The following SORCS3 variants were observed in gnomAD, a reference collection of about 807,000 sequenced individuals.
SORCS3 encodes VPS10 domain-containing receptor SorCS3.
A neutral mutation model predicts 146.3 loss-of-function variants in SORCS3; 57 were observed. That is an observed-to-expected ratio of 0.39 (90% CI 0.31 to 0.49). SORCS3 has a LOEUF of 0.49. Ranked by LOEUF, SORCS3 falls within the 20% of genes least tolerant of loss-of-function variation. The pLI, the probability that SORCS3 is intolerant of heterozygous loss-of-function variation, is 0.92. For missense variants in SORCS3, 1,341 were observed against 1,575.5 expected, an observed-to-expected ratio of 0.85 and a Z score of 2.52; for synonymous variants, 653 against 618.5, an observed-to-expected ratio of 1.06 and a Z score of -0.83.
chr10:104,859,392 G>C lies in SORCS3; in HGVS notation c.695+16533G>C, dbSNP rs368668080. Among the ~76,000 whole-genome samples, 846 of 152,142 alleles carry C rather than the reference G, an allele frequency of 5.6e-3. 10 individuals carry two copies. Among genetic ancestry groups the C allele is most frequent in the African/African-American group, 0.015 (633 of 41,486 alleles). On this transcript the variant is annotated intron_variant, in intron 2 of 26. Transcript: ENST00000369701. The stretch of plus-strand genomic sequence containing the variant: ...GTAGAAAGCTGAAACTGGATCCCTT[G>C]CTTACACCTTATACAAAAATTAATT...
At chr10:104,764,708 GT>G (rs1238019626) in intron 1 of SORCS3, among the ~76,000 whole-genome samples, 1 of 152,094 alleles carries the variant, frequency 6.6e-6, no homozygotes, top group East Asian at 1.9e-4. Context: ...CTGGGGTAAT[GT>G]TTTTTTCAGA....
intron 1 of SORCS3, among the ~76,000 whole-genome samples, chr10:104,727,608 A>G (rs1271967746): frequency 6.6e-6 from 1 of 151,986 alleles, no homozygotes; most frequent in African/African-American, 2.4e-5. Flanking sequence ...ACTTATATAT[A>G]TACATATATC....
At chr10:104,973,542 T>A (rs923395178) in intron 3 of SORCS3, among the ~76,000 whole-genome samples, 8 of 150,786 alleles carry the variant, frequency 5.3e-5, no homozygotes, top group Admixed American at 2.0e-4. Context: ...GGTGGTGATA[T>A]CCCCTTTATC....
chr10:105,199,101 A>C (rs1351052074), intron 14 of SORCS3, among the ~76,000 whole-genome samples: 1 of 152,104 alleles, frequency 6.6e-6, no homozygotes, highest in Non-Finnish European at 1.5e-5. Flanking sequence ...GAAGCCATCC[A>C]ATTCCTTGAA....
chr10:104,894,931 A>T (rs1028043958), intron 2 of SORCS3, among the ~76,000 whole-genome samples: 1 of 152,144 alleles, frequency 6.6e-6, no homozygotes, highest in South Asian at 2.1e-4. Flanking sequence ...CTCATGGGAG[A>T]GGCTAGAGCT....
At chr10:105,216,733 G>C (rs917744385) in intron 18 of SORCS3, among the ~76,000 whole-genome samples, 3 of 152,126 alleles carry the variant, frequency 2.0e-5, no homozygotes, top group South Asian at 2.1e-4. Context: ...CCGAGCTTGG[G>C]CGATGAGGAC....
chr10:104,698,152 T>C (rs941366100), intron 1 of SORCS3, among the ~76,000 whole-genome samples: 2 of 152,278 alleles, frequency 1.3e-5, no homozygotes, highest in East Asian at 3.9e-4. Flanking sequence ...TTCAAAGCAC[T>C]CTGTCATTTC....
chr10:104,882,904 C>T (rs2018645184), intron 2 of SORCS3, among the ~76,000 whole-genome samples: 1 of 152,196 alleles, frequency 6.6e-6, no homozygotes, highest in African/African-American at 2.4e-5. Flanking sequence ...TCCTCTCTTC[C>T]ACTTCAAAGA....
intron 13 of SORCS3, among the ~76,000 whole-genome samples, chr10:105,172,624 A>G (rs2056369465): frequency 1.3e-5 from 2 of 152,214 alleles, no homozygotes; most frequent in African/African-American, 4.8e-5. Flanking sequence ...ATGGTAATTA[A>G]TTCAGTTTTT....
At chr10:104,898,987 C>A (rs1816372265) in intron 2 of SORCS3, among the ~76,000 whole-genome samples, 1 of 152,172 alleles carries the variant, frequency 6.6e-6, no homozygotes, top group African/African-American at 2.4e-5. Context: ...CCCTCCCATT[C>A]CTACACTCAC....
At chr10:105,093,764 G>C (rs2055726173) in intron 6 of SORCS3, among the ~76,000 whole-genome samples, 1 of 152,058 alleles carries the variant, frequency 6.6e-6, no homozygotes, top group Non-Finnish European at 1.5e-5. Flanking sequence ...TAAAGCAATA[G>C]AACTCTCATA....
intron 10 of SORCS3, among the ~76,000 whole-genome samples, chr10:105,158,542 A>G (rs1397795182): frequency 1.3e-5 from 2 of 152,144 alleles, no homozygotes; most frequent in Non-Finnish European, 2.9e-5. Flanking sequence ...CAAGATCAGA[A>G]ATGCGAGAAT....
chr10:104,928,527 T>G (rs182270253), intron 3 of SORCS3, among the ~76,000 whole-genome samples: 9 of 132,436 alleles, frequency 6.8e-5, no homozygotes, highest in Non-Finnish European at 1.2e-4. Flanking sequence ...AAGAAATGAC[T>G]CGATTTTTTT....
Position 105,131,732 on chromosome 10 carries a change from C to T in SORCS3, c.1213-7665C>T, listed in dbSNP as rs79960576. ...GACCTCAGGAAACTTACAATTACGGCGGAAGGTAAAGGAGGAGCAGACACA... is the reference window on the plus strand; with the variant it reads ...GACCTCAGGAAACTTACAATTACGGTGGAAGGTAAAGGAGGAGCAGACACA... On this transcript the variant is annotated intron_variant, in intron 7 of 26. Coordinates refer to ENST00000369701, the MANE Select transcript of SORCS3 (RefSeq NM_014978.3). Among the ~76,000 whole-genome samples, 1,368 of 151,984 alleles carry T rather than the reference C, an allele frequency of 9.0e-3. 14 individuals are homozygous for T. The highest frequency in any genetic ancestry group is 0.023 in the African/African-American group (960 of 41,442).
intron 6 of SORCS3, among the ~76,000 whole-genome samples, chr10:105,094,170 T>C (rs1029765059): frequency 6.6e-6 from 1 of 152,174 alleles, no homozygotes; most frequent in East Asian, 1.9e-4. Context: ...ACAAACTATA[T>C]AGATAGAGAA....
intron 3 of SORCS3, among the ~76,000 whole-genome samples, chr10:104,973,848 C>T (rs2054877079): frequency 6.8e-6 from 1 of 147,604 alleles, no homozygotes; most frequent in African/African-American, 2.6e-5. Flanking sequence ...TATAAATTTC[C>T]CTCTACACAC....
chr10:105,100,610 C>T (rs183288253), intron 6 of SORCS3, among the ~76,000 whole-genome samples: 5 of 152,270 alleles, frequency 3.3e-5, no homozygotes, highest in African/African-American at 1.2e-4. Context: ...TTGATTTGTC[C>T]AGCCCATATA....
rs533551572 is a variant in SORCS3, at chr10:105,105,460, C to T, written c.1157C>T (p.Ala386Val). The T allele has an allele frequency of 2.5e-4, 400 of 1,613,704 alleles. 2 individuals carry two copies. The South Asian group carries it at 4.2e-3, about 17-fold the overall frequency. ...GAGACAACTAGAAGTGGGCCTTTTG[C>T]CCGCTCCATTGACATCAGTTCCCTG... ...CAETTRSGPF[A>V]RSIDISSLVV... Residue 386 changes from alanine (A) to valine (V), a missense_variant, in exon 7 of 27, where the codon GCC becomes GTC. Coordinates refer to ENST00000369701, the MANE Select transcript of SORCS3 (RefSeq NM_014978.3).
At chr10:105,136,866 A>G (rs750762983) in intron 7 of SORCS3, among the ~76,000 whole-genome samples, 19 of 152,116 alleles carry the variant, frequency 1.2e-4, no homozygotes, top group Non-Finnish European at 2.5e-4. Context: ...CCATTCGACA[A>G]TGCATTTAAA....
Sources: allele counts gnomAD v4.1 joint callset (sites outside exome capture counted in the v4.1 genomes callset), GRCh38; gene constraint gnomAD v4.1.1; transcripts MANE v1.5; gene names NCBI Gene and HGNC (gene_info 2026-07-23, HGNC 2026-07-21).